The following INSC variants were observed in gnomAD, a reference collection of about 807,000 sequenced individuals.
INSC encodes INSC spindle orientation adaptor protein, also known as protein inscuteable homolog.
INSC carries 67 observed loss-of-function variants against 58.6 expected under a neutral mutation model. That is an observed-to-expected ratio of 1.14 (90% CI 0.94 to 1.40). The LOEUF is 1.40. Among genes scored for constraint, INSC ranks in the 40% most tolerant of loss-of-function variants. The pLI is 0.00. For synonymous variants in INSC, 262 were observed against 276.1 expected (o/e 0.95, Z 0.51); for missense variants, 714 against 692.0 (o/e 1.03, Z -0.36).
the INSC span, among the ~76,000 whole-genome samples, chr11:15,253,816 T>C: frequency 3.3e-5 from 5 of 152,232 alleles, no homozygotes; most frequent in South Asian, 2.1e-4. Context: ...CATGACTCAG[T>C]CTCAACTGAT....
chr11:15,253,814 A>T, the INSC span, among the ~76,000 whole-genome samples: 1 of 152,184 alleles, frequency 6.6e-6, no homozygotes. Context: ...GACATGACTC[A>T]GTCTCAACTG....
intron 7 of INSC, among the ~76,000 whole-genome samples, chr11:15,216,462 C>T (rs1851222429): frequency 1.3e-5 from 2 of 152,176 alleles, no homozygotes; most frequent in African/African-American, 2.4e-5. Flanking sequence ...CTTCATCTCT[C>T]TTATTTATTT....
chr11:15,172,899 C>T (rs1052021202), intron 2 of INSC, among the ~76,000 whole-genome samples: 18 of 152,072 alleles, frequency 1.2e-4, no homozygotes, highest in African/African-American at 2.7e-4. Context: ...ATCCAGGGAA[C>T]GGTGGTATGG....
At chr11:15,205,790 G>A (rs1391673597) in intron 7 of INSC, among the ~76,000 whole-genome samples, 2 of 152,108 alleles carry the variant, frequency 1.3e-5, no homozygotes, top group South Asian at 2.1e-4. Flanking sequence ...AGTCTGGCTG[G>A]TTCTAAACTC....
intron 2 of INSC, among the ~76,000 whole-genome samples, chr11:15,175,507 A>G (rs1849540226): frequency 6.6e-6 from 1 of 152,216 alleles, no homozygotes; most frequent in Admixed American, 6.5e-5. Flanking sequence ...TCTGTCAGAC[A>G]TAATTACCTG....
intron 2 of INSC, among the ~76,000 whole-genome samples, chr11:15,160,497 G>A (rs1848981114): frequency 6.6e-6 from 1 of 152,124 alleles, no homozygotes. Context: ...ACAGGTGATG[G>A]CTCCTAATCA....
At chr11:15,250,693 T>C (rs145091092), downstream of INSC, among the ~76,000 whole-genome samples, 158 of 152,308 alleles carry the variant, frequency 1.0e-3, 1 homozygote, top group African/African-American at 3.6e-3. Context: ...CAAAAGAAAT[T>C]ACTCTCAAAT....
chr11:15,174,972 C>T (rs1236609067), intron 2 of INSC, among the ~76,000 whole-genome samples: 1 of 152,114 alleles, frequency 6.6e-6, no homozygotes. Context: ...TTTTAGAGTG[C>T]ATTTTATTTG....
the INSC span, among the ~76,000 whole-genome samples, chr11:15,264,653 G>C: frequency 6.7e-6 from 1 of 148,238 alleles, no homozygotes; most frequent in Admixed American, 6.8e-5. Flanking sequence ...CTACTGCTGC[G>C]TATGTCTGAC....
At chr11:15,131,516 C>T (rs2133705468) in intron 1 of INSC, among the ~76,000 whole-genome samples, 1 of 152,140 alleles carries the variant, frequency 6.6e-6, no homozygotes, top group Non-Finnish European at 1.5e-5. Flanking sequence ...TATCCTATAT[C>T]CTTACTGATC....
chr11:15,197,686 C>T (rs1243437938), intron 6 of INSC, among the ~76,000 whole-genome samples: 1 of 152,296 alleles, frequency 6.6e-6, no homozygotes, highest in East Asian at 1.9e-4. Flanking sequence ...AAAGAATAAG[C>T]CCAGACCTCT....
At chr11:15,200,699 G>A (rs1001355345) in intron 6 of INSC, 125 bp from the exon 7 acceptor site, 29 of 1,170,318 alleles carry the variant, frequency 2.5e-5, no homozygotes, top group East Asian at 2.2e-4. Context: ...TGTGTGGGGC[G>A]GGGGTTGCTG....
chr11:15,185,595 G>A (rs1849935025), intron 5 of INSC, among the ~76,000 whole-genome samples: 1 of 151,830 alleles, frequency 6.6e-6, no homozygotes, highest in Non-Finnish European at 1.5e-5. Context: ...TGTGATAAGG[G>A]TGATCAATAA....
intron 2 of INSC, among the ~76,000 whole-genome samples, chr11:15,169,818 A>G (rs1849332189): frequency 6.6e-6 from 1 of 152,076 alleles, no homozygotes; most frequent in African/African-American, 2.4e-5. Flanking sequence ...GAGTGTTCCC[A>G]TATACTCCAC....
intron 1 of INSC, among the ~76,000 whole-genome samples, chr11:15,137,862 C>G (rs936146666): frequency 3.3e-5 from 5 of 152,182 alleles, no homozygotes; most frequent in Non-Finnish European, 7.4e-5. Flanking sequence ...GCATTAACAA[C>G]TTGCCTAACC....
chr11:15,179,820 G>A (rs923733628), intron 5 of INSC, among the ~76,000 whole-genome samples: 9 of 152,316 alleles, frequency 5.9e-5, no homozygotes, highest in African/African-American at 1.7e-4. Context: ...CAAAAAAGTC[G>A]AGGGACTGAT....
At chr11:15,166,907 C>A (rs1446080673) in intron 2 of INSC, among the ~76,000 whole-genome samples, 1 of 152,166 alleles carries the variant, frequency 6.6e-6, no homozygotes, top group African/African-American at 2.4e-5. Flanking sequence ...CTTTCTACAC[C>A]TCTATATTTT....
intron 7 of INSC, among the ~76,000 whole-genome samples, chr11:15,206,682 G>C (rs1220231622): frequency 2.0e-5 from 3 of 152,170 alleles, no homozygotes; most frequent in African/African-American, 7.2e-5. Context: ...GGGGAGGACT[G>C]CAGGGTTTGG....
Position 15,247,081 on chromosome 11 carries a change from A to G in INSC, c.*1041A>G, listed in dbSNP as rs1393968164. 1 of 151,758 alleles carries G rather than the reference A, an allele frequency of 6.6e-6. No individual in the cohort carries two copies. The highest frequency in any genetic ancestry group is 1.5e-5 in the Non-Finnish European group (1 of 67,974). The allele number at this position is 151,758 out of a possible 1,614,324, so 9.4% of individuals were successfully genotyped here. On this transcript the variant is annotated 3_prime_UTR_variant, in exon 13 of 13. Transcript: ENST00000379556. Reference sequence around the variant, plus strand: ...ACCAATTTCACTGCTTGAAAGTATCACAAAAATCTGGGGATCCTTTTGAAA... The same window carrying G: ...ACCAATTTCACTGCTTGAAAGTATCGCAAAAATCTGGGGATCCTTTTGAAA...
Sources: allele counts gnomAD v4.1 joint callset (sites outside exome capture counted in the v4.1 genomes callset), GRCh38; gene constraint gnomAD v4.1.1; transcripts MANE v1.5; gene names NCBI Gene and HGNC (gene_info 2026-07-23, HGNC 2026-07-21).